The following ADGRL3 variants were observed in gnomAD, a reference collection of about 807,000 sequenced individuals.
ADGRL3 encodes the protein adhesion G protein-coupled receptor L3, also known as calcium-independent alpha-latrotoxin receptor 3.
Under a neutral mutation model 153.5 loss-of-function variants are expected in ADGRL3, and 62 were observed. The ratio of observed to expected loss-of-function variants is 0.40; its 90% CI spans 0.33 to 0.50. The LOEUF (loss-of-function observed/expected upper bound fraction) is 0.50, where lower values mean the gene tolerates loss of function less well. Among genes scored for constraint, ADGRL3 ranks in the 20% least tolerant of loss-of-function variants. The probability of loss-of-function intolerance (pLI) is 0.47; values close to 1 mark genes in which losing one functional copy is unlikely to be tolerated. For missense variants in ADGRL3, 1,641 were observed against 1,859.4 expected, an observed-to-expected ratio of 0.88 and a Z score of 2.16; for synonymous variants, 710 against 672.5, an observed-to-expected ratio of 1.06 and a Z score of -0.86.
chr4:61,233,471 G>A (rs754205985), intron 1 of ADGRL3, among the ~76,000 whole-genome samples: 24 of 152,130 alleles, frequency 1.6e-4, no homozygotes, highest in Non-Finnish European at 7.4e-5. Context: ...AGCAGTATGA[G>A]GGGACTGAGA....
At chr4:61,542,991 A>G (rs2098697170) in intron 4 of ADGRL3, among the ~76,000 whole-genome samples, 1 of 151,966 alleles carries the variant, frequency 6.6e-6, no homozygotes, top group Non-Finnish European at 1.5e-5. Flanking sequence ...ACTTTTCTTT[A>G]TTATATTTTT....
intron 3 of ADGRL3, among the ~76,000 whole-genome samples, chr4:61,500,011 C>CAT (rs1560738151): frequency 1.5e-5 from 2 of 130,546 alleles, no homozygotes; most frequent in Non-Finnish European, 3.2e-5. Context: ...CACACACACA[C>CAT]ACATACACAC....
intron 6 of ADGRL3, among the ~76,000 whole-genome samples, chr4:61,697,948 T>C (rs772129164): frequency 1.3e-5 from 2 of 152,120 alleles, no homozygotes; most frequent in African/African-American, 4.8e-5. Flanking sequence ...TCTATACCAT[T>C]AACTCTCAAG....
chr4:61,926,800 C>T (rs1041010153), intron 13 of ADGRL3, among the ~76,000 whole-genome samples: 2 of 152,104 alleles, frequency 1.3e-5, no homozygotes, highest in Non-Finnish European at 2.9e-5. Context: ...TTGTAAATAC[C>T]TTAACATAGT....
At chr4:61,479,256 G>C (rs1386390931) in intron 2 of ADGRL3, among the ~76,000 whole-genome samples, 1 of 151,846 alleles carries the variant, frequency 6.6e-6, no homozygotes, top group Non-Finnish European at 1.5e-5. Flanking sequence ...AACTACTTAT[G>C]CTAGAAAATT....
In ADGRL3 at chr4:61,733,128, T is replaced by C. The variant is rs1464558444; in HGVS notation, c.973T>C (p.Trp325Arg). The part of the protein sequence containing the change: ...ANYHDTSPYR[W>R]GGKSDIDLAV... ...TTACCATGATACCTCCCCTTACCGA[T>C]GGGGAGGCAAATCTGACATAGACCT... The change falls in exon 8 of 27, where the codon TGG becomes CGG. Residue 325 changes from tryptophan (W) to arginine (R), a missense_variant. Physicochemically the swap from Trp to Arg is moderately radical, Grantham distance 101. Around this residue, in one of 5 missense-constraint regions of ADGRL3, gnomAD observed 213 missense variants for 362.1 expected, o/e 0.59. Transcript: ENST00000683033. 1.2e-6 allele frequency: 2 copies of C among 1,613,086 alleles called. No individual in the cohort carries two copies. The highest frequency in any genetic ancestry group is 1.1e-5 in the South Asian group (1 of 90,994).
At chr4:61,823,915 G>T (rs1270750428) in intron 9 of ADGRL3, among the ~76,000 whole-genome samples, 2 of 152,080 alleles carry the variant, frequency 1.3e-5, no homozygotes, top group African/African-American at 2.4e-5. Flanking sequence ...CAAAAAATTA[G>T]CTGGGCGTGG....
intron 1 of ADGRL3, among the ~76,000 whole-genome samples, chr4:61,275,121 A>G (rs958016360): frequency 6.6e-6 from 1 of 152,170 alleles, no homozygotes; most frequent in Non-Finnish European, 1.5e-5. Flanking sequence ...GATGGAGTCA[A>G]CCTGCTATAC....
At chr4:61,740,758 A>G (rs2096572244) in intron 8 of ADGRL3, among the ~76,000 whole-genome samples, 1 of 152,210 alleles carries the variant, frequency 6.6e-6, no homozygotes, top group African/African-American at 2.4e-5. Context: ...ACATCCAGCA[A>G]TAAGTACTAA....
chr4:62,009,784 A>G (rs893113993), intron 21 of ADGRL3, among the ~76,000 whole-genome samples: 2 of 152,106 alleles, frequency 1.3e-5, no homozygotes, highest in African/African-American at 4.8e-5. Flanking sequence ...CTGTCCCTCA[A>G]GACCGCCCCC....
chr4:61,987,599 T>G (rs2099090307), intron 19 of ADGRL3, among the ~76,000 whole-genome samples: 1 of 152,202 alleles, frequency 6.6e-6, no homozygotes, highest in Non-Finnish European at 1.5e-5. Flanking sequence ...ACTACACTGA[T>G]TCTTTAAATA....
intron 1 of ADGRL3, among the ~76,000 whole-genome samples, chr4:61,318,810 A>G (rs1164505949): frequency 6.6e-6 from 1 of 152,216 alleles, no homozygotes; most frequent in South Asian, 2.1e-4. Flanking sequence ...TCAATTTTCT[A>G]TGATTTTTCC....
intron 6 of ADGRL3, among the ~76,000 whole-genome samples, chr4:61,720,791 T>C (rs2096228901): frequency 6.6e-6 from 1 of 152,206 alleles, no homozygotes; most frequent in African/African-American, 2.4e-5. Context: ...AAGTGGATAA[T>C]AAGGAAGGCA....
chr4:61,298,223 T>C (rs927233918), intron 1 of ADGRL3, among the ~76,000 whole-genome samples: 8 of 152,294 alleles, frequency 5.3e-5, no homozygotes, highest in African/African-American at 1.9e-4. Context: ...GTTATTTCTA[T>C]ATGCTTCCCC....
At chr4:61,685,123 G>A (rs184802962) in intron 6 of ADGRL3, among the ~76,000 whole-genome samples, 13 of 151,954 alleles carry the variant, frequency 8.6e-5, no homozygotes, top group Admixed American at 3.3e-4. Flanking sequence ...TCACTATGTT[G>A]CCCAGGTTGG....
chr4:61,927,831 A>G (rs1162434168), intron 13 of ADGRL3, among the ~76,000 whole-genome samples: 18 of 152,030 alleles, frequency 1.2e-4, no homozygotes, highest in Admixed American at 1.2e-3. Flanking sequence ...TCAAGAAATC[A>G]AAGAATTAAA....
chr4:61,639,922 A>G (rs913745552), intron 5 of ADGRL3, among the ~76,000 whole-genome samples: 1 of 152,140 alleles, frequency 6.6e-6, no homozygotes, highest in Non-Finnish European at 1.5e-5. Context: ...GAGACTGTCT[A>G]TATTTCATAG....
At chr4:61,280,113 CT>C (rs1560420005) in intron 1 of ADGRL3, among the ~76,000 whole-genome samples, 550 of 54,058 alleles carry the variant, frequency 0.01, 1 homozygote, top group Admixed American at 0.021. Context: ...TTTTCTTTTT[CT>C]TTTTTTTTTT....
chr4:61,516,114 A>G (rs2098492527), intron 3 of ADGRL3, among the ~76,000 whole-genome samples: 1 of 152,078 alleles, frequency 6.6e-6, no homozygotes, highest in South Asian at 2.1e-4. Flanking sequence ...ATTGTTTAAC[A>G]TATTTCTTAA....
Sources: gnomAD v4.1 joint callset for allele counts (sites outside exome capture counted in the v4.1 genomes callset) on GRCh38, gnomAD v4.1.1 for gene constraint, gnomAD v4.1.1 regional missense constraint, MANE v1.5 for transcripts, NCBI Gene and HGNC (gene_info 2026-07-23, HGNC 2026-07-21) for gene names.